Variants in PSMD9 observed in about 807,000 individuals in gnomAD.
The protein encoded by PSMD9 is 26S proteasome non-ATPase regulatory subunit 9.
Under a neutral mutation model 25.9 loss-of-function variants are expected in PSMD9, and 26 were observed. That is an observed-to-expected ratio of 1.00 (90% confidence interval 0.73 to 1.39). PSMD9 has a LOEUF of 1.39. Among genes scored for constraint, PSMD9 ranks in the 40% most tolerant of loss-of-function variants. The pLI, the probability that PSMD9 is intolerant of heterozygous loss-of-function variation, is 0.00. For missense variants in PSMD9, 303 were observed against 299.3 expected, an observed-to-expected ratio of 1.01 and a Z score of -0.09; for synonymous variants, 110 against 114.5, an observed-to-expected ratio of 0.96 and a Z score of 0.25.
intron 2 of PSMD9, chr12:121,897,132 T>A (rs911045668): frequency 3.3e-5 from 5 of 152,056 alleles, no homozygotes; most frequent in African/African-American, 1.2e-4. Context: ...CAGAGGCTCA[T>A]GCCTGTAATC....
At chr12:121,914,252 TA>T (rs1468964866) in intron 4 of PSMD9, 1 of 152,116 alleles carries the variant, frequency 6.6e-6, no homozygotes, top group Non-Finnish European at 1.5e-5. Context: ...TTTTTTAAAT[TA>T]AAGTACTATA....
intron 3 of PSMD9, chr12:121,902,671 C>G (rs1879435573): frequency 4.3e-6 from 1 of 233,120 alleles, no homozygotes; most frequent in South Asian, 5.9e-5. Context: ...TTCTCTTACC[C>G]TTGAACCTGG....
At chr12:121,891,718 C>G (rs1879085611) in intron 1 of PSMD9, among the ~76,000 whole-genome samples, 1 of 151,278 alleles carries the variant, frequency 6.6e-6, no homozygotes, top group Non-Finnish European at 1.5e-5. Context: ...CCAGCCTGGC[C>G]AACATGGTGA....
chr12:121,913,295 G>A (rs1387113015), intron 4 of PSMD9, among the ~76,000 whole-genome samples: 3 of 151,640 alleles, frequency 2.0e-5, no homozygotes, highest in Non-Finnish European at 4.4e-5. Flanking sequence ...TAGCCAGGAT[G>A]GTCTTGATCT....
chr12:121,916,535 C>G lies in PSMD9; in HGVS notation c.*224C>G, dbSNP rs1205812532. The G allele has an allele frequency of 5.2e-6, 3 of 582,128 alleles. No homozygotes were observed. The highest frequency in any genetic ancestry group is 9.1e-6 in the Non-Finnish European group (3 of 328,962). 36.1% of individuals were successfully genotyped at this position (582,128 alleles called of 1,614,324 possible). ...CTCTTTCACAAATTAGGCCACGGCC[C>G]TAAATAGGAATTCCCTGGATTGTGG... On this transcript the variant is annotated 3_prime_UTR_variant, in exon 6 of 6. Transcript: ENST00000541212.
intron 1 of PSMD9, among the ~76,000 whole-genome samples, chr12:121,890,624 CG>C (rs1262565808): frequency 6.6e-6 from 1 of 151,964 alleles, no homozygotes; most frequent in African/African-American, 2.4e-5. Context: ...CGTGCCACCA[CG>C]CCCAGCTAAT....
At chr12:121,896,908 A>G (rs1211205745) in intron 2 of PSMD9, among the ~76,000 whole-genome samples, 1 of 151,988 alleles carries the variant, frequency 6.6e-6, no homozygotes, top group African/African-American at 2.4e-5. Flanking sequence ...TCTGTATGTA[A>G]TCTCCCGTGT....
intron 1 of PSMD9, among the ~76,000 whole-genome samples, chr12:121,892,381 C>T (rs544233437): frequency 1.3e-5 from 2 of 151,278 alleles, no homozygotes; most frequent in East Asian, 2.0e-4. Context: ...CTGGGCAACA[C>T]AGTAAGAGCC....
chr12:121,909,911 G>A (rs12827264), intron 4 of PSMD9, among the ~76,000 whole-genome samples: 11 of 152,058 alleles, frequency 7.2e-5, no homozygotes, highest in Non-Finnish European at 1.5e-4. Context: ...CTGAGTTAAA[G>A]GCAGTGCACA....
At position 121,901,893 on chromosome 12, in the gene PSMD9, G is replaced by T. The variant is rs919262582; in HGVS notation, c.454-1113G>T. 4.0e-5 allele frequency among the ~76,000 whole-genome samples: 6 copies of T among 151,220 alleles called. No homozygotes were observed. The East Asian group carries it at 1.2e-3, about 30-fold the overall frequency. The stretch of plus-strand genomic sequence containing the variant: ...AGACAGGGTTTCACTTTGTTAGCCA[G>T]GGTGGTCTCGATCTCCTGACCTCGT... On this transcript the variant is annotated intron_variant, in intron 3 of 5. Transcript: ENST00000541212.
At chr12:121,901,595 T>G (rs1879397868) in intron 3 of PSMD9, among the ~76,000 whole-genome samples, 1 of 151,300 alleles carries the variant, frequency 6.6e-6, no homozygotes, top group Non-Finnish European at 1.5e-5. Context: ...CCTCAAGCGA[T>G]CCTTCTTCCT....
Position 121,894,806 on chromosome 12 carries a change from T to C in PSMD9, c.206T>C (p.Leu69Pro). ...CEGYPRSDVD[L>P]YQVRTARHNI... ...GGCTACCCCCGGTCAGACGTGGACC[T>C]GTACCAAGTCCGCACCGCCAGGCAC... The change falls in exon 2 of 6, where the codon CTG becomes CCG. Residue 69 changes from leucine to proline, a missense_variant. By Grantham distance (98) the Leu-to-Pro change is moderately conservative. Coordinates refer to ENST00000541212, the MANE Select transcript of PSMD9 (RefSeq NM_002813.7). 6.2e-7 allele frequency: 1 copy of C among 1,614,026 alleles called. No individual in the cohort carries two copies. Among genetic ancestry groups the C allele is most frequent in the Non-Finnish European group, 8.5e-7 (1 of 1,179,986 alleles).
chr12:121,892,897 C>T (rs974694298), intron 1 of PSMD9, among the ~76,000 whole-genome samples: 1 of 151,966 alleles, frequency 6.6e-6, no homozygotes. Context: ...AAAGCCATTA[C>T]CTTTTACACT....
In PSMD9 at chr12:121,888,820, G is replaced by T; in HGVS notation, c.-37G>T. The stretch of plus-strand genomic sequence containing the variant: ...CGACTGGGGCGTCGTCCCTAGCCCG[G>T]GAGCCGGGTCTCTGGAGTCGCGGCC... On this transcript the variant is annotated 5_prime_UTR_variant, in exon 1 of 6. Transcript: ENST00000541212. The T allele has an allele frequency of 6.3e-7, 1 of 1,586,852 alleles. No individual in the cohort carries two copies. Among genetic ancestry groups the T allele is most frequent in the South Asian group, 1.1e-5 (1 of 87,600 alleles).
At chr12:121,901,036 G>A (rs1274678653) in intron 3 of PSMD9, among the ~76,000 whole-genome samples, 2 of 150,966 alleles carry the variant, frequency 1.3e-5, no homozygotes, top group Admixed American at 6.6e-5. Context: ...TGTTGCGTAG[G>A]TTGGTCTCCA....
At chr12:121,910,800 A>T in intron 4 of PSMD9, 1 of 325,806 alleles carries the variant, frequency 3.1e-6, no homozygotes, top group Non-Finnish European at 6.2e-6. Context: ...TAAAAAATCT[A>T]CACTTTAGTG....
At position 121,916,279 on chromosome 12, in the gene PSMD9, TC is replaced by T; in HGVS notation, c.645-3del. On this transcript the variant is annotated splice_polypyrimidine_tract_variant and splice_region_variant and intron_variant, in intron 5 of 5. Transcript: ENST00000541212. Reference sequence around the variant, plus strand: ...TTACGCCATTCCTTTTCTTCTTTCTTCCAGCTGCAACATTATTCCTCTGCAA... The same window carrying T: ...TTACGCCATTCCTTTTCTTCTTTCTTCAGCTGCAACATTATTCCTCTGCAA... The T allele has an allele frequency of 6.2e-7, 1 of 1,614,172 alleles. No individual in the cohort carries two copies.
chr12:121,888,831 T>G lies in PSMD9; in HGVS notation c.-26T>G, dbSNP rs1232907651. 1 of 1,594,094 alleles carries G rather than the reference T, an allele frequency of 6.3e-7. No homozygotes were observed. Among genetic ancestry groups the G allele is most frequent in the Non-Finnish European group, 8.5e-7 (1 of 1,171,516 alleles). ...TCGTCCCTAGCCCGGGAGCCGGGTC[T>G]CTGGAGTCGCGGCCCGGGGTTCACG... On this transcript the variant is annotated 5_prime_UTR_variant, in exon 1 of 6. Transcript: ENST00000541212.
chr12:121,896,991 G>A (rs1565891124), intron 2 of PSMD9, among the ~76,000 whole-genome samples: 1 of 151,712 alleles, frequency 6.6e-6, no homozygotes, highest in African/African-American at 2.4e-5. Flanking sequence ...ACATACATGT[G>A]TATGTAAAAT....
Sources: allele counts gnomAD v4.1 joint callset (sites outside exome capture counted in the v4.1 genomes callset), GRCh38; gene constraint gnomAD v4.1.1; transcripts MANE v1.5; gene names NCBI Gene and HGNC (gene_info 2026-07-23, HGNC 2026-07-21).